The following GABRB2 variants were observed in gnomAD, a reference collection of about 807,000 sequenced individuals.
GABRB2 encodes gamma-aminobutyric acid receptor subunit beta-2.
Under a neutral mutation model 54.7 loss-of-function variants are expected in GABRB2, and 16 were observed. The ratio of observed to expected loss-of-function variants is 0.29; its 90% CI spans 0.20 to 0.44. GABRB2 has a LOEUF of 0.44. Ranked by LOEUF, GABRB2 falls within the 20% of genes least tolerant of loss-of-function variation. GABRB2 has a pLI of 1.00. For synonymous variants in GABRB2, 244 were observed against 233.8 expected (o/e 1.04, Z -0.40); for missense variants, 355 against 644.0 (o/e 0.55, Z 4.86).
At chr5:161,308,936 A>G (rs530840437) in intron 9 of GABRB2, among the ~76,000 whole-genome samples, 21 of 152,240 alleles carry the variant, frequency 1.4e-4, no homozygotes, top group Admixed American at 4.6e-4. Flanking sequence ...AATACAATTC[A>G]GGACATAGAC....
intron 9 of GABRB2, among the ~76,000 whole-genome samples, chr5:161,320,177 G>T (rs1758168930): frequency 6.6e-6 from 1 of 151,376 alleles, no homozygotes; most frequent in Non-Finnish European, 1.5e-5. Context: ...GTATTTTGTT[G>T]CTGAACTTTT....
intron 4 of GABRB2, among the ~76,000 whole-genome samples, chr5:161,433,251 T>G (rs1007184819): frequency 6.6e-6 from 1 of 152,174 alleles, no homozygotes; most frequent in Non-Finnish European, 1.5e-5. Flanking sequence ...TACTAATTTA[T>G]ACAGTAATTC....
chr5:161,546,313 C>A lies in GABRB2; in HGVS notation c.169+9G>T, dbSNP rs924001339. 1.9e-6 allele frequency: 3 copies of A among 1,611,806 alleles called. No homozygotes were observed. Among genetic ancestry groups the A allele is most frequent in the Non-Finnish European group, 2.5e-6 (3 of 1,177,852 alleles). On this transcript the variant is annotated intron_variant, in intron 2 of 9. Coordinates refer to ENST00000393959, the MANE Select transcript of GABRB2 (RefSeq NM_001371727.1). ...GTGGCTGGACTTATTTGCAAGGCAA[C>A]CCCATTACCTCCAAAATCTGGTCTC...
At chr5:161,449,711 CA>C (rs1461072641) in intron 4 of GABRB2, among the ~76,000 whole-genome samples, 3 of 151,902 alleles carry the variant, frequency 2.0e-5, no homozygotes, top group African/African-American at 7.3e-5. Context: ...TACACATATA[CA>C]AATATATACA....
intron 5 of GABRB2, among the ~76,000 whole-genome samples, chr5:161,340,969 C>G (rs1389567913): frequency 1.3e-5 from 2 of 151,992 alleles, no homozygotes; most frequent in Admixed American, 1.3e-4. Context: ...CTTCTGGCTA[C>G]TGCCTGTCTT....
At chr5:161,406,088 T>C (rs767444351) in intron 5 of GABRB2, among the ~76,000 whole-genome samples, 6 of 152,048 alleles carry the variant, frequency 3.9e-5, no homozygotes, top group Non-Finnish European at 7.4e-5. Context: ...CAAATAGGCT[T>C]TAGATGACCA....
intron 5 of GABRB2, among the ~76,000 whole-genome samples, chr5:161,367,382 G>GA (rs1380273410): frequency 6.6e-6 from 1 of 152,176 alleles, no homozygotes; most frequent in Non-Finnish European, 1.5e-5. Flanking sequence ...CATATACTCA[G>GA]AACTTAATCA....
intron 4 of GABRB2, among the ~76,000 whole-genome samples, chr5:161,453,805 G>A (rs1757862970): frequency 6.6e-6 from 1 of 152,026 alleles, no homozygotes; most frequent in South Asian, 2.1e-4. Context: ...GGGAGGTCGG[G>A]GTGGGCAGAT....
intron 5 of GABRB2, among the ~76,000 whole-genome samples, chr5:161,379,229 A>G (rs75411668): frequency 0.01 from 1,584 of 152,276 alleles, 35 homozygotes; most frequent in South Asian, 0.052. Context: ...TATCTAAGCA[A>G]TGTAAGACAT....
intron 4 of GABRB2, among the ~76,000 whole-genome samples, chr5:161,432,575 T>C (rs1457625850): frequency 6.6e-6 from 1 of 152,188 alleles, no homozygotes; most frequent in Non-Finnish European, 1.5e-5. Context: ...TAGCAATATG[T>C]CAATGAATTA....
intron 3 of GABRB2, among the ~76,000 whole-genome samples, chr5:161,506,589 T>A (rs141622201): frequency 1.5e-4 from 23 of 152,304 alleles, no homozygotes; most frequent in African/African-American, 5.5e-4. Flanking sequence ...TATCTATGGC[T>A]ATTGTCATGC....
chr5:161,380,083 A>G (rs1029983982), intron 5 of GABRB2, among the ~76,000 whole-genome samples: 1 of 152,134 alleles, frequency 6.6e-6, no homozygotes, highest in South Asian at 2.1e-4. Flanking sequence ...TGGGCCCCTA[A>G]TTCTATAGAA....
intron 5 of GABRB2, among the ~76,000 whole-genome samples, chr5:161,376,167 T>G (rs1755288555): frequency 6.6e-6 from 1 of 152,094 alleles, no homozygotes; most frequent in South Asian, 2.1e-4. Context: ...GCATTGGGGA[T>G]CACAAAGGCA....
At chr5:161,536,877 C>T (rs34191331) in intron 3 of GABRB2, among the ~76,000 whole-genome samples, 2,411 of 152,216 alleles carry the variant, frequency 0.016, 30 homozygotes, top group Non-Finnish European at 0.024. Context: ...GGATTACAGG[C>T]GTGAGCCACC....
chr5:161,500,543 CTTG>C (rs1014379389), intron 3 of GABRB2, among the ~76,000 whole-genome samples: 1 of 152,020 alleles, frequency 6.6e-6, no homozygotes, highest in Non-Finnish European at 1.5e-5. Flanking sequence ...TTCTGTTGTC[CTTG>C]TTGTGTTTTC....
intron 3 of GABRB2, among the ~76,000 whole-genome samples, chr5:161,535,483 G>T (rs1760604680): frequency 6.6e-6 from 1 of 152,010 alleles, no homozygotes; most frequent in Non-Finnish European, 1.5e-5. Context: ...ACGAAACAAG[G>T]TCCTCATGGA....
At chr5:161,420,367 G>A (rs1186201225) in intron 4 of GABRB2, among the ~76,000 whole-genome samples, 1 of 152,182 alleles carries the variant, frequency 6.6e-6, no homozygotes, top group South Asian at 2.1e-4. Flanking sequence ...TAAAATGTGA[G>A]CTACACATGT....
intron 3 of GABRB2, among the ~76,000 whole-genome samples, chr5:161,467,163 G>C (rs1401968712): frequency 1.3e-5 from 2 of 152,000 alleles, no homozygotes; most frequent in African/African-American, 4.8e-5. Flanking sequence ...CTTGAGCTTT[G>C]GTGATTAAAC....
At chr5:161,498,744 A>G (rs1759333714) in intron 3 of GABRB2, among the ~76,000 whole-genome samples, 1 of 152,012 alleles carries the variant, frequency 6.6e-6, no homozygotes, top group South Asian at 2.1e-4. Flanking sequence ...ACCACAATAT[A>G]AGCCCAGGCA....
Sources: allele counts gnomAD v4.1 joint callset (sites outside exome capture counted in the v4.1 genomes callset), GRCh38; gene constraint gnomAD v4.1.1; transcripts MANE v1.5; gene names NCBI Gene and HGNC (gene_info 2026-07-23, HGNC 2026-07-21).